CACNA1A: variants seen among roughly 807,000 people sequenced by gnomAD.
The protein encoded by CACNA1A is voltage-dependent P/Q-type calcium channel subunit alpha-1A.
A neutral mutation model predicts 262.4 loss-of-function variants in CACNA1A; 57 were observed. The ratio of observed to expected loss-of-function variants is 0.22; its 90% CI spans 0.18 to 0.27. The LOEUF (loss-of-function observed/expected upper bound fraction) is 0.27. Among genes scored for constraint, CACNA1A ranks in the 10% least tolerant of loss-of-function variants. The pLI, the probability that CACNA1A is intolerant of heterozygous loss-of-function variation, is 1.00. For missense variants in CACNA1A, 2,526 were observed against 3,562.8 expected (o/e 0.71, Z 7.41); for synonymous variants, 1,431 against 1,419.3 (o/e 1.01, Z -0.18).
At chr19:13,336,639 G>GAGAGAGAGA (rs2058580999) in intron 6 of CACNA1A, among the ~76,000 whole-genome samples, 2 of 147,052 alleles carry the variant, frequency 1.4e-5, no homozygotes, top group Admixed American at 6.8e-5. Flanking sequence ...GAGAGAGAGA[G>GAGAGAGAGA]AAAAGAATGA....
At chr19:13,420,339 C>A (rs1014913347) in intron 3 of CACNA1A, among the ~76,000 whole-genome samples, 1 of 151,798 alleles carries the variant, frequency 6.6e-6, no homozygotes, top group Non-Finnish European at 1.5e-5. Context: ...ACTATTTCCC[C>A]CAAATTCGTG....
rs991598034 is a variant in CACNA1A, at chr19:13,214,232, CCTG to C, written c.5938_5940del (p.Gln1980del). 1.9e-6 allele frequency: 3 copies of C among 1,606,272 alleles called. No homozygotes were observed. The African/African-American group carries it at 4.0e-5, about 21-fold the overall frequency. On this transcript the variant is annotated inframe_deletion and splice_region_variant, in exon 40 of 47. Coordinates refer to ENST00000360228, the MANE Select transcript of CACNA1A (RefSeq NM_001127222.2). The surrounding 1 kb of genome is among the most constrained non-coding windows in gnomAD (Gnocchi z 4.1). ...TGTCCCCAGAGCGGCGAACAGCGCA[CCTG>C]CTCCTCGCGCATGGCCTGCAGCTTC... is the stretch of plus-strand genomic sequence containing the variant.
chr19:13,208,464 C>G (rs888164963), intron 46 of CACNA1A, among the ~76,000 whole-genome samples: 3 of 150,022 alleles, frequency 2.0e-5, no homozygotes, highest in Non-Finnish European at 3.0e-5. Flanking sequence ...TCGGGCGGCA[C>G]GGCCCAGAAC....
intron 46 of CACNA1A, 94 bp downstream of exon 46, chr19:13,208,662 C>G: frequency 7.1e-7 from 1 of 1,411,956 alleles, no homozygotes; most frequent in East Asian, 2.5e-5. Flanking sequence ...ATCCGGGGAC[C>G]TTTGCCTAGA....
At chr19:13,244,836 T>C (rs964580327) in intron 31 of CACNA1A, 8 of 267,710 alleles carry the variant, frequency 3.0e-5, no homozygotes, top group East Asian at 2.2e-4. Flanking sequence ...GCTCCTGACA[T>C]AGGGTGGTGT....
chr19:13,474,268 G>A (rs1978312028), intron 1 of CACNA1A, among the ~76,000 whole-genome samples: 1 of 152,122 alleles, frequency 6.6e-6, no homozygotes, highest in South Asian at 2.1e-4. Flanking sequence ...TACAGTAGGG[G>A]GCAGGATATT....
intron 19 of CACNA1A, among the ~76,000 whole-genome samples, chr19:13,293,019 G>A (rs2057578499): frequency 6.6e-6 from 1 of 152,162 alleles, no homozygotes; most frequent in Non-Finnish European, 1.5e-5. Flanking sequence ...CTGAGGCTAT[G>A]GGGGTGAAAG....
intron 3 of CACNA1A, among the ~76,000 whole-genome samples, chr19:13,412,679 G>A (rs1041879018): frequency 6.6e-6 from 1 of 152,054 alleles, no homozygotes; most frequent in African/African-American, 2.4e-5. Flanking sequence ...GTTTCACCAT[G>A]TTGCCCAGGC....
intron 15 of CACNA1A, 141 bp downstream of exon 15, chr19:13,307,641 C>G (rs1365700588): frequency 1.5e-6 from 1 of 664,328 alleles, no homozygotes; most frequent in South Asian, 1.9e-5. Context: ...ATAATGATAA[C>G]CATAAAATCT....
chr19:13,485,827 A>T (rs894817294), intron 1 of CACNA1A, among the ~76,000 whole-genome samples: 2 of 152,186 alleles, frequency 1.3e-5, no homozygotes, highest in Non-Finnish European at 2.9e-5. Flanking sequence ...CAAGGTGAAA[A>T]TGTACAAATC....
At chr19:13,353,875 A>G (rs1416391648) in intron 6 of CACNA1A, among the ~76,000 whole-genome samples, 1 of 152,096 alleles carries the variant, frequency 6.6e-6, no homozygotes, top group Non-Finnish European at 1.5e-5. Context: ...CCTGACCTAG[A>G]CTAAGGAACC....
At chr19:13,499,334 T>C (rs930567729) in intron 1 of CACNA1A, among the ~76,000 whole-genome samples, 1 of 151,882 alleles carries the variant, frequency 6.6e-6, no homozygotes, top group Middle Eastern at 3.4e-3. Flanking sequence ...TGGCCACGAA[T>C]TTTTTTTCCC....
chr19:13,428,190 C>T (rs569620612), intron 3 of CACNA1A, among the ~76,000 whole-genome samples: 1 of 152,118 alleles, frequency 6.6e-6, no homozygotes, highest in Non-Finnish European at 1.5e-5. Context: ...GGCCTCACGA[C>T]GTGCTGGGAT....
At chr19:13,485,721 T>C (rs1979892015) in intron 1 of CACNA1A, among the ~76,000 whole-genome samples, 2 of 152,232 alleles carry the variant, frequency 1.3e-5, no homozygotes, top group South Asian at 4.1e-4. Context: ...ATACCAAGTG[T>C]TGGCAAGGTT....
At chr19:13,502,312 C>T (rs1011457034) in intron 1 of CACNA1A, among the ~76,000 whole-genome samples, 2 of 152,144 alleles carry the variant, frequency 1.3e-5, no homozygotes, top group African/African-American at 4.8e-5. Context: ...GTAATTCAGG[C>T]AACTGTGCGT....
At chr19:13,254,107 C>T (rs189199449) in intron 29 of CACNA1A, among the ~76,000 whole-genome samples, 65 of 152,258 alleles carry the variant, frequency 4.3e-4, no homozygotes, top group Non-Finnish European at 8.4e-4. Context: ...ATTCAATCCT[C>T]TCACCTCCTC....
intron 4 of CACNA1A, chr19:13,370,928 G>T (rs1409875727): frequency 6.6e-6 from 1 of 151,916 alleles, no homozygotes; most frequent in Non-Finnish European, 1.5e-5. Context: ...AAAAAGGACA[G>T]CCCTGTTTTA....
intron 1 of CACNA1A, among the ~76,000 whole-genome samples, chr19:13,464,420 A>T (rs72999653): frequency 0.24 from 35,693 of 151,824 alleles, 4,290 homozygotes; most frequent in Middle Eastern, 0.37. Flanking sequence ...AAATACATAC[A>T]TTTTTTTAAA....
In CACNA1A at chr19:13,298,748, C is replaced by A. The variant is rs1163181685; in HGVS notation, c.2885G>T (p.Arg962Leu). 1.3e-6 allele frequency: 2 copies of A among 1,509,124 alleles called. No individual in the cohort carries two copies. The highest frequency in any genetic ancestry group is 1.4e-5 in the African/African-American group (1 of 69,014). 93.5% of individuals were successfully genotyped at this position (1,509,124 alleles called of 1,614,324 possible). ...DGEHRRHRAH[R>L]RPGEEGPEDK... is the part of the protein sequence containing the mutation. Reference sequence around the variant, plus strand: ...CTCCGGACCCTCCTCCCCGGGCCTGCGGTGCGCGCGATGACGTCGATGCTC... The same window carrying A: ...CTCCGGACCCTCCTCCCCGGGCCTGAGGTGCGCGCGATGACGTCGATGCTC... The change falls in exon 19 of 47, where the codon CGC becomes CTC. Residue 962 changes from arginine to leucine, a missense_variant. Arg to Leu is a moderately radical substitution (Grantham distance 102). Transcript: ENST00000360228.
Sources: gnomAD v4.1 joint callset for allele counts (sites outside exome capture counted in the v4.1 genomes callset) on GRCh38, gnomAD v4.1.1 for gene constraint, Gnocchi (gnomAD v3.1) non-coding constraint, MANE v1.5 for transcripts, NCBI Gene and HGNC (gene_info 2026-07-23, HGNC 2026-07-21) for gene names.